The following CFI variants were observed in gnomAD, a reference collection of about 807,000 sequenced individuals.
CFI encodes C3B/C4B inactivator.
In CFI, 66 loss-of-function variants were observed where a neutral mutation model predicts 78.8. The ratio of observed to expected loss-of-function variants is 0.84; its 90% CI spans 0.69 to 1.03. CFI has a LOEUF of 1.03. Among genes scored for constraint, CFI ranks in the 50% least tolerant of loss-of-function variants. CFI has a pLI of 0.00. For synonymous variants in CFI, 250 were observed against 232.6 expected, an observed-to-expected ratio of 1.07 and a Z score of -0.68; for missense variants, 706 against 704.5, an observed-to-expected ratio of 1.00 and a Z score of -0.02.
chr4:109,768,739 T>C (rs7439880), intron 1 of CFI, among the ~76,000 whole-genome samples: 147,904 of 152,324 alleles, frequency 0.97, 71,952 homozygotes, highest in East Asian at 1. Context: ...CAGTGCCCTG[T>C]AGCTGTGAAG....
chr4:109,756,889 G>GAAAGAAAGAA (rs1561297433), intron 7 of CFI, among the ~76,000 whole-genome samples: 2 of 9,762 alleles, frequency 2.0e-4, no homozygotes, highest in South Asian at 9.5e-3. Flanking sequence ...AGAAAGAAAG[G>GAAAGAAAGAA]AAAGAAAGAA....
At chr4:109,741,433 C>T in intron 12 of CFI, 2 of 782,974 alleles carry the variant, frequency 2.6e-6, no homozygotes. Flanking sequence ...CTGCCTAGTG[C>T]TTACTGAGTG....
intron 1 of CFI, chr4:109,793,995 C>T (rs1367838123): frequency 1.3e-5 from 2 of 152,196 alleles, no homozygotes; most frequent in African/African-American, 2.4e-5. Flanking sequence ...TTCATCTGCC[C>T]TCCATGGTTT....
chr4:109,734,344 G>A, the CFI span, among the ~76,000 whole-genome samples: 2 of 152,156 alleles, frequency 1.3e-5, no homozygotes, highest in African/African-American at 4.8e-5. Context: ...ATTCTGGTGT[G>A]TCAAAGAAAG....
At chr4:109,796,246 A>C (rs1249362799) in intron 1 of CFI, among the ~76,000 whole-genome samples, 1 of 152,164 alleles carries the variant, frequency 6.6e-6, no homozygotes, top group Admixed American at 6.5e-5. Context: ...AAGAAACAAA[A>C]AACCCCAAAA....
At chr4:109,790,109 C>G (rs543726793) in intron 1 of CFI, among the ~76,000 whole-genome samples, 1 of 151,968 alleles carries the variant, frequency 6.6e-6, no homozygotes, top group East Asian at 1.9e-4. Context: ...TATAATTGCT[C>G]ATAGCATTCT....
chr4:109,742,362 G>C, intron 12 of CFI, 129 bp downstream of exon 12: 1 of 710,126 alleles, frequency 1.4e-6, no homozygotes, highest in Non-Finnish European at 2.6e-6. Context: ...GAGTTTGAGA[G>C]TGCTACAGCC....
chr4:109,751,522 A>G lies in CFI; in HGVS notation c.940+946T>C, dbSNP rs549800363. Among the ~76,000 whole-genome samples the G allele has an allele frequency of 3.0e-3, 436 of 146,758 alleles. 1 individual carries two copies. The highest frequency in any genetic ancestry group is 4.7e-3 in the Non-Finnish European group (319 of 67,312). On this transcript the variant is annotated intron_variant, in intron 8 of 12. Coordinates refer to ENST00000394634, the MANE Select transcript of CFI (RefSeq NM_000204.5). ...AGTGGCACAATCTTGGTTCACTGCA[A>G]CCTCCACCTCCCGGGTTCAAGCGAT... is the stretch of plus-strand genomic sequence containing the variant.
At chr4:109,756,967 AAGAAAGAAAG>A (rs1726370563) in intron 7 of CFI, among the ~76,000 whole-genome samples, 15 of 137,864 alleles carry the variant, frequency 1.1e-4, no homozygotes, top group South Asian at 2.8e-4. Flanking sequence ...GAAAGAAAGA[AAGAAAGAAAG>A]AAATTCTGAG....
At position 109,749,512 on chromosome 4, in the gene CFI, T is replaced by C; in HGVS notation, c.1031A>G (p.Lys344Arg). 1 of 1,612,752 alleles carries C rather than the reference T, an allele frequency of 6.2e-7. No individual in the cohort carries two copies. The highest frequency in any genetic ancestry group is 8.5e-7 in the Non-Finnish European group (1 of 1,178,692). The change falls in exon 9 of 13, where the codon AAG becomes AGG. Residue 344 changes from lysine to arginine, a missense_variant. By Grantham distance (26) the Lys-to-Arg change is conservative. Transcript: ENST00000394634. The stretch of plus-strand genomic sequence containing the variant: ...ATGCGACTTTACCAGTTGTGCTCGC[T>C]TTCCTCCCACAATTCGTTTCCTTCG... ...HIRRKRIVGGKRAQLGDLPWQ... is the reference protein window; with the variant it reads ...HIRRKRIVGGRRAQLGDLPWQ...
intron 1 of CFI, among the ~76,000 whole-genome samples, chr4:109,782,852 T>G (rs1312875374): frequency 6.6e-6 from 1 of 151,922 alleles, no homozygotes; most frequent in African/African-American, 2.4e-5. Flanking sequence ...TGAAACAGAA[T>G]AAGAACCCAG....
chr4:109,734,569 C>T, the CFI span, among the ~76,000 whole-genome samples: 760 of 152,214 alleles, frequency 5.0e-3, 34 homozygotes, highest in East Asian at 0.066. Context: ...TTTGGGAGGC[C>T]AAGGCGGGCA....
chr4:109,760,591 A>G lies in CFI; in HGVS notation c.704T>C (p.Ile235Thr), dbSNP rs1461737648. 3.1e-6 allele frequency: 5 copies of G among 1,611,080 alleles called. No homozygotes were observed. The highest frequency in any genetic ancestry group is 1.3e-5 in the African/African-American group (1 of 75,000). The change falls in exon 5 of 13, where the codon ATT becomes ACT. Residue 235 changes from isoleucine to threonine, a missense_variant. Coordinates refer to ENST00000394634, the MANE Select transcript of CFI (RefSeq NM_000204.5). ...ACCATCACAGGCTTTCATCTGAGAA[A>G]TGTATTTCCCATTCACACACTGAAA... ...DFFQCVNGKY[I>T]SQMKACDGIN...
rs1357120518 is a variant in CFI, at chr4:109,764,588, C to T, written c.431G>A (p.Ser144Asn). 6 of 1,614,036 alleles carry T rather than the reference C, an allele frequency of 3.7e-6. No individual in the cohort carries two copies. The Admixed American group carries it at 5.0e-5, about 13-fold the overall frequency. Residue 144 changes from serine (S) to asparagine (N), a missense_variant, in exon 3 of 13, where the codon AGC becomes AAC. Ser to Asn is a conservative substitution (Grantham distance 46). Transcript: ENST00000394634. ...QDKTMFICKS[S>N]WSMREANVAC... is the part of the protein sequence containing the mutation. Reference sequence around the variant, plus strand: ...CACGTTGGCTTCCCTCATGCTCCAGCTGCTTTTGCATATGAACATTGTCTT... The same window carrying T: ...CACGTTGGCTTCCCTCATGCTCCAGTTGCTTTTGCATATGAACATTGTCTT...
At chr4:109,738,284 T>G (rs570542499), downstream of CFI, among the ~76,000 whole-genome samples, 93 of 152,134 alleles carry the variant, frequency 6.1e-4, no homozygotes, top group South Asian at 1.5e-3. Flanking sequence ...CCAGCTTTTT[T>G]TGTGTGTGAT....
chr4:109,784,451 T>C (rs1471316430), intron 1 of CFI, among the ~76,000 whole-genome samples: 1 of 152,050 alleles, frequency 6.6e-6, no homozygotes, highest in Non-Finnish European at 1.5e-5. Context: ...ATACATGCGC[T>C]TGATTAAGGA....
At chr4:109,762,470 G>C (rs886166528) in intron 3 of CFI, 2 of 152,168 alleles carry the variant, frequency 1.3e-5, no homozygotes, top group African/African-American at 4.8e-5. Context: ...TATTATCCTA[G>C]AGATGATGAT....
the CFI span, among the ~76,000 whole-genome samples, chr4:109,732,754 G>A: frequency 6.6e-6 from 1 of 151,684 alleles, no homozygotes; most frequent in Non-Finnish European, 1.5e-5. Flanking sequence ...CTACTCGGGA[G>A]GCTGAGGCAG....
chr4:109,780,678 A>C (rs527923150), intron 1 of CFI, among the ~76,000 whole-genome samples: 15 of 152,222 alleles, frequency 9.9e-5, no homozygotes, highest in Admixed American at 4.6e-4. Flanking sequence ...AATCATGCTG[A>C]TATAAAGACA....
Sources: allele counts gnomAD v4.1 joint callset (sites outside exome capture counted in the v4.1 genomes callset), GRCh38; gene constraint gnomAD v4.1.1; transcripts MANE v1.5; gene names NCBI Gene and HGNC (gene_info 2026-07-23, HGNC 2026-07-21).